Variants in SGCD observed in about 807,000 individuals in gnomAD.
SGCD encodes sarcoglycan delta.
Under a neutral mutation model 36.6 loss-of-function variants are expected in SGCD, and 18 were observed. The ratio of observed to expected loss-of-function variants is 0.49; its 90% CI spans 0.34 to 0.73. SGCD has a LOEUF of 0.73. SGCD is among the 30% of genes least tolerant of loss of function. The probability of loss-of-function intolerance (pLI) is 0.01; values close to 1 mark genes in which losing one functional copy is unlikely to be tolerated. For missense variants in SGCD, 387 were observed against 346.7 expected (o/e 1.12, Z -0.92); for synonymous variants, 133 against 130.6 (o/e 1.02, Z -0.12).
chr5:156,170,258 G>T (rs1265349328), intron 3 of SGCD, among the ~76,000 whole-genome samples: 1 of 152,144 alleles, frequency 6.6e-6, no homozygotes, highest in East Asian at 1.9e-4. Context: ...AAAGTAAGAT[G>T]AATTCCTCTC....
intron 7 of SGCD, among the ~76,000 whole-genome samples, chr5:156,755,129 G>GGGAAA (rs1757288759): frequency 6.6e-6 from 1 of 152,172 alleles, no homozygotes; most frequent in Non-Finnish European, 1.5e-5. Context: ...GAAAAGAGGA[G>GGGAAA]GGAAAGGAAG....
intron 3 of SGCD, among the ~76,000 whole-genome samples, chr5:156,488,098 GT>G (rs559483068): frequency 0.029 from 2,671 of 92,154 alleles, 52 homozygotes; most frequent in Admixed American, 0.049. Context: ...TTGAAGACAG[GT>G]TTTTTTTTTT....
chr5:155,795,830 C>G, the SGCD span, among the ~76,000 whole-genome samples: 1 of 152,138 alleles, frequency 6.6e-6, no homozygotes. Context: ...AAGCAAAAGA[C>G]AGCTGCTAGA....
intron 1 of SGCD, among the ~76,000 whole-genome samples, chr5:156,070,267 T>G (rs1760502323): frequency 1.3e-5 from 2 of 152,028 alleles, no homozygotes; most frequent in Admixed American, 1.3e-4. Context: ...GGCTGTGGGT[T>G]TGTCATAGAT....
intron 3 of SGCD, among the ~76,000 whole-genome samples, chr5:156,444,110 CTCT>C (rs1753643332): frequency 3.0e-5 from 3 of 100,140 alleles, no homozygotes; most frequent in East Asian, 3.4e-4. Context: ...CTCTCTCTCT[CTCT>C]CTCCCCTTCC....
chr5:155,875,144 C>T (rs1366287809), intron 1 of SGCD, among the ~76,000 whole-genome samples: 1 of 151,962 alleles, frequency 6.6e-6, no homozygotes, highest in African/African-American at 2.4e-5. Flanking sequence ...GTGAAAGAAA[C>T]CAGACAAAAA....
rs569458241 is a variant in SGCD at position 156,181,861 on chromosome 5, T to C, written c.-44+57842T>C. Among the ~76,000 whole-genome samples, 9 of 152,196 alleles carry C rather than the reference T, an allele frequency of 5.9e-5. No individual in the cohort carries two copies. The East Asian group carries it at 1.7e-3, about 29-fold the overall frequency. ...CAGATTAATCACTAAGTACTAAGAG[T>C]TTAGCTAATCATTTATGAGGCAAAG... On this transcript the variant is annotated intron_variant, in intron 3 of 9. Coordinates refer to the SGCD transcript ENST00000517913.
At chr5:155,901,176 G>T (rs957176518) in intron 1 of SGCD, among the ~76,000 whole-genome samples, 2 of 152,000 alleles carry the variant, frequency 1.3e-5, no homozygotes. Flanking sequence ...GCCGGCGGTG[G>T]TGGTGGGTGC....
chr5:156,445,043 C>A (rs533308411), intron 3 of SGCD, among the ~76,000 whole-genome samples: 2 of 152,104 alleles, frequency 1.3e-5, no homozygotes, highest in Admixed American at 1.3e-4. Flanking sequence ...TCATAATAGC[C>A]CAGTGAATGT....
At chr5:156,362,700 G>A (rs913316775) in intron 3 of SGCD, among the ~76,000 whole-genome samples, 1 of 152,088 alleles carries the variant, frequency 6.6e-6, no homozygotes, top group Non-Finnish European at 1.5e-5. Flanking sequence ...TGTGAACCTC[G>A]TGGCTAGTCT....
chr5:156,162,143 T>C (rs1176665606), intron 3 of SGCD, among the ~76,000 whole-genome samples: 1 of 151,138 alleles, frequency 6.6e-6, no homozygotes, highest in Non-Finnish European at 1.5e-5. Context: ...TAAAGAGAGG[T>C]AAGCCAAGGA....
chr5:156,604,685 T>C (rs1321986328), intron 6 of SGCD, among the ~76,000 whole-genome samples: 5 of 149,812 alleles, frequency 3.3e-5, no homozygotes, highest in African/African-American at 7.3e-5. Flanking sequence ...TTAGTATATA[T>C]AGTATATCCA....
the SGCD span, among the ~76,000 whole-genome samples, chr5:155,731,654 G>C: frequency 6.6e-6 from 1 of 152,218 alleles, no homozygotes; most frequent in East Asian, 1.9e-4. Context: ...AGTTTTCTGG[G>C]TAAATACATG....
At chr5:156,391,368 C>T (rs985300800) in intron 3 of SGCD, among the ~76,000 whole-genome samples, 11 of 152,184 alleles carry the variant, frequency 7.2e-5, no homozygotes, top group Admixed American at 4.6e-4. Context: ...CCTCAGAACA[C>T]GTGCCTATTG....
chr5:155,826,813 A>C, the SGCD span, among the ~76,000 whole-genome samples: 1 of 152,222 alleles, frequency 6.6e-6, no homozygotes, highest in Non-Finnish European at 1.5e-5. Flanking sequence ...AAGGCACTCA[A>C]GAATCTTTGC....
At chr5:155,795,658 T>C in the SGCD span, among the ~76,000 whole-genome samples, 12 of 152,108 alleles carry the variant, frequency 7.9e-5, no homozygotes. Context: ...AGTTCAATAA[T>C]CTCATAGAAA....
chr5:156,061,006 C>G (rs921753980), intron 1 of SGCD, among the ~76,000 whole-genome samples: 2 of 144,800 alleles, frequency 1.4e-5, no homozygotes, highest in African/African-American at 5.0e-5. Context: ...TGTCTGGACT[C>G]TCACAAAAAT....
intron 3 of SGCD, among the ~76,000 whole-genome samples, chr5:156,184,371 GT>G (rs3036754): frequency 0.021 from 2,914 of 141,462 alleles, 38 homozygotes; most frequent in Non-Finnish European, 0.033. Flanking sequence ...CAAGCAGCCA[GT>G]TTTTTTTTTT....
chr5:156,378,550 TC>T (rs968338567), intron 3 of SGCD, among the ~76,000 whole-genome samples: 1 of 151,956 alleles, frequency 6.6e-6, no homozygotes, highest in African/African-American at 2.4e-5. Context: ...ATTTTATAAT[TC>T]CCCCCACCTA....
Sources: allele counts gnomAD v4.1 joint callset (sites outside exome capture counted in the v4.1 genomes callset), GRCh38; gene constraint gnomAD v4.1.1; transcripts MANE v1.5; gene names NCBI Gene and HGNC (gene_info 2026-07-23, HGNC 2026-07-21).